Variants in GOT1 observed in about 807,000 individuals in gnomAD.
The protein encoded by GOT1 is glutamic-oxaloacetic transaminase 1.
GOT1 carries 25 observed loss-of-function variants against 48.2 expected under a neutral mutation model. The observed-to-expected ratio is 0.52, with a 90% confidence interval of 0.38 to 0.72. The LOEUF (loss-of-function observed/expected upper bound fraction) is 0.72. Among genes scored for constraint, GOT1 ranks in the 30% least tolerant of loss-of-function variants. The pLI is 0.00. For synonymous variants in GOT1, 188 were observed against 193.8 expected (o/e 0.97, Z 0.25); for missense variants, 380 against 520.1 (o/e 0.73, Z 2.62).
chr10:99,414,393 T>A (rs1004915160), intron 2 of GOT1, among the ~76,000 whole-genome samples: 1 of 152,194 alleles, frequency 6.6e-6, no homozygotes, highest in Non-Finnish European at 1.5e-5. Context: ...GAGCTACCTA[T>A]CCTAAATATA....
intron 8 of GOT1, among the ~76,000 whole-genome samples, chr10:99,399,824 G>C (rs1001079404): frequency 2.0e-5 from 3 of 152,152 alleles, no homozygotes; most frequent in African/African-American, 7.2e-5. Context: ...TCTGCCTCTT[G>C]TCAGCTGATT....
rs1452681484 is a variant in GOT1, at chr10:99,396,899, T to C, written c.*648A>G. On this transcript the variant is annotated 3_prime_UTR_variant, in exon 9 of 9. Transcript: ENST00000370508. ...GATCAACATTTTTATTTTATTTTTT[T>C]AGGTGAAGTAGAACACAATAGAATG... 6.6e-6 allele frequency: 1 copy of C among 152,252 alleles called. No homozygotes were observed. The highest frequency in any genetic ancestry group is 1.5e-5 in the Non-Finnish European group (1 of 68,046). The allele number at this position is 152,252 out of a possible 1,614,324, so 9.4% of individuals were successfully genotyped here.
intron 1 of GOT1, among the ~76,000 whole-genome samples, chr10:99,424,633 A>AT (rs1173746319): frequency 6.6e-6 from 1 of 152,222 alleles, no homozygotes; most frequent in Admixed American, 6.5e-5. Context: ...AAAGACTGGA[A>AT]TACTGCTGTT....
chr10:99,399,604 C>T (rs2032644716), intron 8 of GOT1, among the ~76,000 whole-genome samples: 1 of 150,466 alleles, frequency 6.6e-6, no homozygotes, highest in African/African-American at 2.5e-5. Context: ...GACCCTGTCT[C>T]TACAAAAAAA....
Position 99,420,820 on chromosome 10 carries a change from A to C in GOT1, c.119-15T>G. 3.1e-6 allele frequency: 5 copies of C among 1,605,288 alleles called. No individual in the cohort carries two copies. The highest frequency in any genetic ancestry group is 4.3e-6 in the Non-Finnish European group (5 of 1,173,714). ...CGTGCGATATGCTGGAGAATGGAAA[A>C]GAGTTATACATAGTGGAGGCTCATG... is the stretch of plus-strand genomic sequence containing the variant. On this transcript the variant is annotated splice_polypyrimidine_tract_variant and intron_variant, in intron 1 of 8. Coordinates refer to ENST00000370508, the MANE Select transcript of GOT1 (RefSeq NM_002079.3).
At chr10:99,428,547 G>A (rs192025043) in intron 1 of GOT1, among the ~76,000 whole-genome samples, 33 of 152,252 alleles carry the variant, frequency 2.2e-4, no homozygotes, top group African/African-American at 7.9e-4. Context: ...TAGTAAAGAT[G>A]GGGTTTCACC....
At position 99,420,793 on chromosome 10, in the gene GOT1, T is replaced by C. The variant is rs145279669; in HGVS notation, c.131A>G (p.Asp44Gly). Residue 44 changes from aspartate (D) to glycine (G), a missense_variant, in exon 2 of 9, where the codon GAT (aspartate) becomes GGT (glycine). Physicochemically the swap from Asp to Gly is moderately conservative, Grantham distance 94. Coordinates refer to ENST00000370508, the MANE Select transcript of GOT1 (RefSeq NM_002079.3). ...VNLGVGAYRT[D>G]DCHPWVLPVV... ...TGGCAAAACCCAGGGATGGCAGTCA[T>C]CCGTGCGATATGCTGGAGAATGGAA... is the stretch of plus-strand genomic sequence containing the variant. The C allele has an allele frequency of 3.7e-5, 59 of 1,613,720 alleles. No individual in the cohort carries two copies. In the East Asian group the frequency reaches 1.2e-3, roughly 34 times the overall value.
chr10:99,407,208 T>C (rs972387152), intron 2 of GOT1, among the ~76,000 whole-genome samples: 1 of 150,860 alleles, frequency 6.6e-6, no homozygotes, highest in Non-Finnish European at 1.5e-5. Context: ...TGTGTGTGCA[T>C]GCACGCACAT....
At chr10:99,398,860 T>C (rs571786431) in intron 8 of GOT1, among the ~76,000 whole-genome samples, 1 of 152,288 alleles carries the variant, frequency 6.6e-6, no homozygotes, top group South Asian at 2.1e-4. Context: ...ATTTTACAGA[T>C]AGGCCATAAA....
In GOT1 at chr10:99,405,777, C is replaced by T. The variant is rs1469726837; in HGVS notation, c.621G>A (p.Lys207=). 1.3e-6 allele frequency: 2 copies of T among 1,592,068 alleles called. No individual in the cohort carries two copies. Among genetic ancestry groups the T allele is most frequent in the East Asian group, 2.2e-5 (1 of 44,764 alleles). ...TTACCTTCATGACAGAAGCAATCTG[C>T]TTCCACTGCTCCGGAGTTGGGTCAA... ...TGIDPTPEQW[K]QIASVMKHRF... is the part of the protein sequence containing the mutation. The change falls in exon 5 of 9, where the codon AAG becomes AAA. Residue 207 remains lysine (K), a synonymous_variant. Coordinates refer to ENST00000370508, the MANE Select transcript of GOT1 (RefSeq NM_002079.3).
chr10:99,430,522 G>A lies in GOT1; in HGVS notation c.44C>T (p.Pro15Leu), dbSNP rs2033105636. 5.0e-6 allele frequency: 8 copies of A among 1,610,454 alleles called. No individual in the cohort carries two copies. The highest frequency in any genetic ancestry group is 1.7e-5 in the Admixed American group (1 of 59,448). The stretch of plus-strand genomic sequence containing the variant: ...GGCAGTGAGCTTGAAGACCAGGACA[G>A]GCTGGGCCTGCGGAACCTCGGCAAA... ...SVFAEVPQAQ[P>L]VLVFKLTADF... is the part of the protein sequence containing the mutation. The change falls in exon 1 of 9, where the codon CCT becomes CTT. Residue 15 changes from proline (P) to leucine (L), a missense_variant. Pro to Leu is a moderately conservative substitution (Grantham distance 98). Transcript: ENST00000370508.
intron 5 of GOT1, 57 bp from the exon 6 acceptor site, chr10:99,403,931 AC>A: frequency 6.4e-7 from 1 of 1,569,198 alleles, no homozygotes; most frequent in Admixed American, 1.7e-5. Context: ...AACCTCAGAC[AC>A]CGGCCTTCCT....
chr10:99,423,651 A>AT (rs760740021), intron 1 of GOT1, among the ~76,000 whole-genome samples: 50 of 151,764 alleles, frequency 3.3e-4, no homozygotes, highest in Middle Eastern at 3.4e-3. Flanking sequence ...AACTCACAAT[A>AT]TTTTTTTCTT....
rs909656692 is a variant in GOT1 at position 99,430,471 on chromosome 10, C to T, written c.95G>A (p.Arg32His). 1.9e-6 allele frequency: 3 copies of T among 1,610,362 alleles called. No individual in the cohort carries two copies. Among genetic ancestry groups the T allele is most frequent in the Non-Finnish European group, 2.5e-6 (3 of 1,177,690 alleles). ...ACCTCCCACTCCCAGGTTGACCTTG[C>T]GGGGGTCCGGATCCTCCCTGAAGTC... is the stretch of plus-strand genomic sequence containing the variant. ...TADFREDPDP[R>H]KVNLGVGAYR... Residue 32 changes from arginine to histidine, a missense_variant, in exon 1 of 9, where the codon CGC (arginine) becomes CAC (histidine). Physicochemically the swap from Arg to His is conservative, Grantham distance 29. Transcript: ENST00000370508.
chr10:99,420,643 G>A lies in GOT1; in HGVS notation c.281C>T (p.Pro94Leu), dbSNP rs1467223734. 2.5e-6 allele frequency: 4 copies of A among 1,613,388 alleles called. No homozygotes were observed. Among genetic ancestry groups the A allele is most frequent in the Non-Finnish European group, 3.4e-6 (4 of 1,179,614 alleles). ...ASRLALGDDS[P>L]ALKEKRVGGV... is the part of the protein sequence containing the mutation. ...ACTTACCCGCTTCTCCTTGAGTGCT[G>A]GGCTGTCATCCCCAAGGGCAAGACG... Residue 94 changes from proline (P) to leucine (L), a missense_variant, in exon 2 of 9, where the codon CCA becomes CTA. By Grantham distance (98) the Pro-to-Leu change is moderately conservative. Coordinates refer to ENST00000370508, the MANE Select transcript of GOT1 (RefSeq NM_002079.3).
rs1428111273 is a variant in GOT1 at position 99,430,413 on chromosome 10, C to G, written c.118+35G>C. On this transcript the variant is annotated intron_variant, in intron 1 of 8. Transcript: ENST00000370508. ...CCTGGGTTGGGTCCGCTCCACTCCC[C>G]GAGCTGCTCACACTCCAGAGCACTA... is the stretch of plus-strand genomic sequence containing the variant. The G allele has an allele frequency of 4.4e-6, 7 of 1,601,022 alleles. No individual in the cohort carries two copies. In the African/African-American group the frequency reaches 6.7e-5, roughly 15 times the overall value.
intron 2 of GOT1, 21 bp downstream of exon 2, chr10:99,420,603 A>G (rs1275071198): frequency 6.4e-7 from 1 of 1,569,048 alleles, no homozygotes; most frequent in Non-Finnish European, 8.7e-7. Flanking sequence ...AAGAGAAAAT[A>G]CATCCTTACC....
chr10:99,400,495 G>A (rs535352737), intron 8 of GOT1, among the ~76,000 whole-genome samples: 42 of 151,586 alleles, frequency 2.8e-4, no homozygotes, highest in South Asian at 1.3e-3. Flanking sequence ...AAAATTAGCC[G>A]GGCATGGTGG....
chr10:99,425,167 A>T (rs2033022357), intron 1 of GOT1, among the ~76,000 whole-genome samples: 2 of 152,260 alleles, frequency 1.3e-5, no homozygotes, highest in South Asian at 4.1e-4. Context: ...AAGATGAATA[A>T]GAGTTTAAAA....
Sources: gnomAD v4.1 joint callset for allele counts (sites outside exome capture counted in the v4.1 genomes callset) on GRCh38, gnomAD v4.1.1 for gene constraint, MANE v1.5 for transcripts, NCBI Gene and HGNC (gene_info 2026-07-23, HGNC 2026-07-21) for gene names.